The following THSD4 variants were observed in gnomAD, a reference collection of about 807,000 sequenced individuals.
THSD4 encodes thrombospondin type-1 domain-containing protein 4.
Under a neutral mutation model 119.0 loss-of-function variants are expected in THSD4, and 69 were observed. The observed-to-expected ratio is 0.58, with a 90% CI of 0.48 to 0.71. The LOEUF is 0.71. THSD4 is among the 30% of genes least tolerant of loss of function. THSD4 has a pLI of 0.00. For missense variants in THSD4, 1,393 were observed against 1,391.1 expected (o/e 1.00, Z -0.02); for synonymous variants, 524 against 540.4 (o/e 0.97, Z 0.42).
intron 1 of THSD4, among the ~76,000 whole-genome samples, chr15:71,133,878 T>C (rs2141364209): frequency 6.6e-6 from 1 of 152,348 alleles, no homozygotes; most frequent in African/African-American, 2.4e-5. Context: ...TGATGCAATT[T>C]GCATTGAAAT....
intron 4 of THSD4, among the ~76,000 whole-genome samples, chr15:71,226,576 C>A (rs1487785050): frequency 6.6e-6 from 1 of 152,206 alleles, no homozygotes; most frequent in Admixed American, 6.5e-5. Context: ...AGGCTACTTG[C>A]ATTTCATCGG....
At chr15:71,576,073 G>T (rs1464890912) in intron 7 of THSD4, among the ~76,000 whole-genome samples, 1 of 151,150 alleles carries the variant, frequency 6.6e-6, no homozygotes, top group African/African-American at 2.4e-5. Flanking sequence ...TTTATGAAAG[G>T]ATAGTAAGAG....
chr15:71,524,500 A>C (rs1595856496), intron 7 of THSD4, among the ~76,000 whole-genome samples: 1 of 151,812 alleles, frequency 6.6e-6, no homozygotes, highest in South Asian at 2.1e-4. Flanking sequence ...GCTGCGCAGG[A>C]AAGAGTGCTG....
intron 1 of THSD4, among the ~76,000 whole-genome samples, chr15:71,127,428 C>G (rs2040464799): frequency 1.3e-5 from 2 of 152,066 alleles, no homozygotes; most frequent in Admixed American, 1.3e-4. Flanking sequence ...GGGTAAATAC[C>G]CAGAAGTGGG....
intron 6 of THSD4, among the ~76,000 whole-genome samples, chr15:71,394,506 G>A (rs1378012711): frequency 1.3e-5 from 2 of 152,052 alleles, no homozygotes; most frequent in Non-Finnish European, 2.9e-5. Flanking sequence ...CTCTTGACTT[G>A]GTGATCCACC....
chr15:71,501,147 A>G (rs1346816961), intron 7 of THSD4, among the ~76,000 whole-genome samples: 1 of 152,216 alleles, frequency 6.6e-6, no homozygotes, highest in African/African-American at 2.4e-5. Context: ...TTCTTTATAT[A>G]TAACAATAAG....
At chr15:71,274,785 C>G (rs569707392) in intron 6 of THSD4, among the ~76,000 whole-genome samples, 2 of 152,192 alleles carry the variant, frequency 1.3e-5, no homozygotes, top group Non-Finnish European at 2.9e-5. Context: ...CTAGGGTATT[C>G]TAGCAGGTGT....
intron 6 of THSD4, among the ~76,000 whole-genome samples, chr15:71,284,662 T>C (rs1347651305): frequency 6.6e-6 from 1 of 152,212 alleles, no homozygotes; most frequent in Non-Finnish European, 1.5e-5. Flanking sequence ...GGATCTGAGC[T>C]CTTCATGAAA....
At chr15:71,437,866 A>C in intron 7 of THSD4, among the ~76,000 whole-genome samples, 1 of 152,216 alleles carries the variant, frequency 6.6e-6, no homozygotes, top group East Asian at 1.9e-4. Context: ...CTTTTTGGCT[A>C]TTTGCCAGTC....
chr15:71,739,961 A>G (rs1403481253), intron 11 of THSD4, among the ~76,000 whole-genome samples: 3 of 151,884 alleles, frequency 2.0e-5, no homozygotes, highest in Non-Finnish European at 2.9e-5. Flanking sequence ...TATCTTTTTC[A>G]TAAGAGCATT....
chr15:71,406,537 A>G (rs2140493299), intron 6 of THSD4, among the ~76,000 whole-genome samples: 1 of 152,186 alleles, frequency 6.6e-6, no homozygotes, highest in African/African-American at 2.4e-5. Flanking sequence ...TTCCATATTG[A>G]TCTTCTGTCT....
chr15:71,234,592 G>T (rs1014777342), intron 4 of THSD4, among the ~76,000 whole-genome samples: 2 of 152,182 alleles, frequency 1.3e-5, no homozygotes, highest in Admixed American at 6.5e-5. Context: ...ACCACATCCA[G>T]CCTGCTAGTC....
At chr15:71,739,810 T>TTTGC (rs1322425822) in intron 11 of THSD4, among the ~76,000 whole-genome samples, 13 of 151,712 alleles carry the variant, frequency 8.6e-5, no homozygotes, top group Middle Eastern at 3.4e-3. Flanking sequence ...GGTTTTTTTT[T>TTTGC]TTTGCTTTGC....
chr15:71,504,509 GAGA>G (rs1344844368), intron 7 of THSD4, among the ~76,000 whole-genome samples: 1 of 152,200 alleles, frequency 6.6e-6, no homozygotes, highest in Non-Finnish European at 1.5e-5. Context: ...CAAATAATTA[GAGA>G]AGGTGGAGAA....
intron 3 of THSD4, among the ~76,000 whole-genome samples, chr15:71,157,261 G>A (rs1193486814): frequency 6.6e-6 from 1 of 152,118 alleles, no homozygotes. Context: ...CTTTCTTCAA[G>A]TGTTTGCTCT....
intron 14 of THSD4, among the ~76,000 whole-genome samples, chr15:71,751,018 T>G (rs1204414045): frequency 6.6e-6 from 1 of 152,196 alleles, no homozygotes; most frequent in Non-Finnish European, 1.5e-5. Context: ...TTACATCTAT[T>G]TCTTGTACAG....
rs570653169 is a variant in THSD4, at chr15:71,484,937, T to C, written c.1152+73114T>C. On this transcript the variant is annotated intron_variant, in intron 7 of 17. Transcript: ENST00000261862. ...TCCCATCATCTCAGAGGCAGACATC[T>C]GGTCCAGTCCTCTCTTCTACCCCTG... Among the ~76,000 whole-genome samples, 308 of 152,346 alleles carry C rather than the reference T, an allele frequency of 2.0e-3. 18 individuals carry two copies. The South Asian group carries it at 0.062, about 31-fold the overall frequency.
At chr15:71,558,593 C>G (rs2049060635) in intron 7 of THSD4, among the ~76,000 whole-genome samples, 1 of 152,076 alleles carries the variant, frequency 6.6e-6, no homozygotes, top group African/African-American at 2.4e-5. Context: ...CTCAGCTTCC[C>G]CAGTAGCTGG....
intron 5 of THSD4, 89 bp downstream of exon 5, chr15:71,243,185 A>G (rs1464164727): frequency 7.5e-7 from 1 of 1,329,114 alleles, no homozygotes; most frequent in Non-Finnish European, 1.0e-6. Flanking sequence ...GACAGCAAGG[A>G]TATGGTGTCT....
Sources: gnomAD v4.1 joint callset for allele counts (sites outside exome capture counted in the v4.1 genomes callset) on GRCh38, gnomAD v4.1.1 for gene constraint, MANE v1.5 for transcripts, NCBI Gene and HGNC (gene_info 2026-07-23, HGNC 2026-07-21) for gene names.